Variants in TMEM63B observed in about 807,000 individuals in gnomAD.
TMEM63B encodes the protein mechanosensitive cation channel TMEM63B.
Under a neutral mutation model 102.6 loss-of-function variants are expected in TMEM63B, and 23 were observed. The ratio of observed to expected loss-of-function variants is 0.22; its 90% CI spans 0.16 to 0.32. The LOEUF (loss-of-function observed/expected upper bound fraction) is 0.32, where lower values mean the gene tolerates loss of function less well. TMEM63B is among the 10% of genes least tolerant of loss of function. TMEM63B has a pLI of 1.00. For synonymous variants in TMEM63B, 444 were observed against 437.0 expected (o/e 1.02, Z -0.20); for missense variants, 628 against 1,095.9 (o/e 0.57, Z 6.03).
At chr6:44,149,768 C>A in intron 15 of TMEM63B, 91 bp from the exon 16 acceptor site, 1 of 1,043,428 alleles carries the variant, frequency 9.6e-7, no homozygotes, top group South Asian at 1.5e-5. Context: ...AGTTGTGAGG[C>A]CAAGGGCCCA....
Position 44,140,353 on chromosome 6 carries a change from A to G in TMEM63B, c.704A>G (p.Asp235Gly), listed in dbSNP as rs1430990954. The G allele has an allele frequency of 6.2e-7, 1 of 1,613,228 alleles. No individual in the cohort carries two copies. Among genetic ancestry groups the G allele is most frequent in the African/African-American group, 1.3e-5 (1 of 74,840 alleles). Residue 235 changes from aspartate to glycine, a missense_variant, in exon 9 of 24, where the codon GAT becomes GGT. By Grantham distance (94) the Asp-to-Gly change is moderately conservative (BLOSUM62 -1). Coordinates refer to ENST00000323267, the MANE Select transcript of TMEM63B (RefSeq NM_018426.3). ...ACCTCCAAGATGCGCTACAAGGAGG[A>G]TGATCTGGTGCGTGGAGCAGAGCCC... ...RHTSKMRYKE[D>G]DLVKRTLFIN...
Position 44,134,654 on chromosome 6 carries a change from T to C in TMEM63B, c.70T>C (p.Tyr24His), listed in dbSNP as rs1303796295. The C allele has an allele frequency of 6.2e-7, 1 of 1,614,200 alleles. No homozygotes were observed. The highest frequency in any genetic ancestry group is 1.7e-5 in the Admixed American group (1 of 60,032). The part of the protein sequence containing the change: ...LNNSNPKDYC[Y>H]SARIRSTVLQ... ...CAACAGCAACCCCAAGGACTACTGC[T>C]ACAGCGCCCGCATCCGCAGCACTGT... is the stretch of plus-strand genomic sequence containing the variant. Residue 24 changes from tyrosine (Y) to histidine (H), a missense_variant, in exon 2 of 24, where the codon TAC becomes CAC. Transcript: ENST00000323267.
chr6:44,139,006 A>T (rs891103826), intron 6 of TMEM63B: 6 of 247,484 alleles, frequency 2.4e-5, no homozygotes, highest in Non-Finnish European at 4.8e-5. Flanking sequence ...GCTCAGCCAC[A>T]CCCATGAGGT....
upstream of TMEM63B, chr6:44,126,859 G>C (rs771442954): frequency 2.0e-5 from 3 of 152,360 alleles, no homozygotes; most frequent in Admixed American, 6.5e-5. Flanking sequence ...CCCTGGCCTG[G>C]GGGAGGGCGC....
At position 44,155,065 on chromosome 6, in the gene TMEM63B, A is replaced by G. The variant is rs1277666083; in HGVS notation, c.*182A>G. On this transcript the variant is annotated 3_prime_UTR_variant, in exon 24 of 24. Transcript: ENST00000323267. ...CATGATGGAGGGAGGGAGCCCCCCA[A>G]CCTCAGTGAGGAGAGCCCCGAGCCG... 8.6e-6 allele frequency: 5 copies of G among 579,442 alleles called. No homozygotes were observed. Among genetic ancestry groups the G allele is most frequent in the South Asian group, 3.6e-5 (1 of 28,074 alleles). 35.9% of individuals were successfully genotyped at this position (579,442 alleles called of 1,614,324 possible).
chr6:44,140,405 C>G (rs185797155), intron 9 of TMEM63B, 45 bp downstream of exon 9: 1 of 1,479,290 alleles, frequency 6.8e-7, no homozygotes, highest in African/African-American at 1.4e-5. Flanking sequence ...CCAGCCTCTT[C>G]CCTTCCCTTC....
intron 9 of TMEM63B, 63 bp downstream of exon 9, chr6:44,140,423 G>A (rs1256304818): frequency 1.5e-6 from 2 of 1,359,780 alleles, no homozygotes. Flanking sequence ...TTCCCTGCAG[G>A]CCTCTTTTGT....
At chr6:44,138,665 C>T (rs549832029) in intron 6 of TMEM63B, 148 bp downstream of exon 6, 24 of 879,774 alleles carry the variant, frequency 2.7e-5, no homozygotes, top group South Asian at 5.6e-5. Flanking sequence ...GGCCAAGCCT[C>T]GGGTGCCTGA....
Position 44,139,609 on chromosome 6 carries a change from G to A in TMEM63B, c.550G>A (p.Glu184Lys). The change falls in exon 7 of 24, where the codon GAG (glutamate) becomes AAG (lysine). Residue 184 changes from glutamate to lysine, a missense_variant and splice_region_variant. Physicochemically the swap from Glu to Lys is moderately conservative, Grantham distance 56. Coordinates refer to ENST00000323267, the MANE Select transcript of TMEM63B (RefSeq NM_018426.3). ...LPVNFSGDLL[E>K]NNAYSFGRTT... ...TGTCAACTTCTCAGGGGACCTGCTG[G>A]GTCAGTGAGGGCCAGGACGGCTAGG... The A allele has an allele frequency of 6.2e-7, 1 of 1,614,180 alleles. No individual in the cohort carries two copies. Among genetic ancestry groups the A allele is most frequent in the African/African-American group, 1.3e-5 (1 of 75,028 alleles).
At position 44,135,316 on chromosome 6, in the gene TMEM63B, C is replaced by T. The variant is rs1301551492; in HGVS notation, c.240-12C>T. On this transcript the variant is annotated splice_polypyrimidine_tract_variant and intron_variant, in intron 3 of 23. Coordinates refer to ENST00000323267, the MANE Select transcript of TMEM63B (RefSeq NM_018426.3). ...CCCGCCCCTGCTAACCCTGTCTGTT[C>T]TCTGTCCCCAGGCTTCGGCGGCAGG... 6.2e-7 allele frequency: 1 copy of T among 1,611,992 alleles called. No homozygotes were observed. The highest frequency in any genetic ancestry group is 8.5e-7 in the Non-Finnish European group (1 of 1,178,950).
chr6:44,153,996 C>T, intron 21 of TMEM63B, 77 bp from the exon 22 acceptor site: 1 of 1,559,498 alleles, frequency 6.4e-7, no homozygotes, highest in South Asian at 1.1e-5. Context: ...GTGAGGACTG[C>T]ATTCAGAGGG....
At chr6:44,151,704 G>A in intron 18 of TMEM63B, 142 bp from the exon 19 acceptor site, 2 of 962,422 alleles carry the variant, frequency 2.1e-6, no homozygotes, top group South Asian at 1.6e-5. Flanking sequence ...CAGGGCACAG[G>A]TGCTTGGGGC....
chr6:44,146,538 C>T lies in TMEM63B; in HGVS notation c.783-309C>T, dbSNP rs1765449643. Among the ~76,000 whole-genome samples the T allele has an allele frequency of 3.9e-5, 6 of 152,048 alleles. No homozygotes were observed. The South Asian group carries it at 1.3e-3, about 32-fold the overall frequency. ...CGATCTTGGCTCACTGCAACCTCCA[C>T]CTCCCGGGTTCGAGCAATTCTTCTG... On this transcript the variant is annotated intron_variant, in intron 10 of 23. Transcript: ENST00000323267.
chr6:44,148,975 C>G lies in TMEM63B; in HGVS notation c.1413+30C>G. The G allele has an allele frequency of 6.2e-7, 1 of 1,613,954 alleles. No homozygotes were observed. Among genetic ancestry groups the G allele is most frequent in the Non-Finnish European group, 8.5e-7 (1 of 1,179,994 alleles). Reference sequence around the variant, plus strand: ...GGCCTCATGCCCCTGTCACTTTCCACGCTGGGTCACAACACACAGATACCA... The same window carrying G: ...GGCCTCATGCCCCTGTCACTTTCCAGGCTGGGTCACAACACACAGATACCA... On this transcript the variant is annotated intron_variant, in intron 15 of 23. Transcript: ENST00000323267. The surrounding 1 kb of genome is among the most constrained non-coding windows in gnomAD (Gnocchi z 5.1).
intron 10 of TMEM63B, among the ~76,000 whole-genome samples, chr6:44,146,141 G>A (rs957147253): frequency 6.6e-6 from 1 of 152,168 alleles, no homozygotes; most frequent in African/African-American, 2.4e-5. Context: ...GCTAAGTGTT[G>A]GGCTGTGACC....
intron 3 of TMEM63B, 103 bp downstream of exon 3, chr6:44,135,199 GGGGATGAGAA>G: frequency 6.3e-7 from 1 of 1,578,610 alleles, no homozygotes; most frequent in Non-Finnish European, 8.7e-7. Context: ...CCTTTGCTGG[GGGGATGAGAA>G]GGGACTAGCC....
At chr6:44,138,671 C>A in intron 6 of TMEM63B, 154 bp downstream of exon 6, 2 of 805,796 alleles carry the variant, frequency 2.5e-6, no homozygotes, top group Non-Finnish European at 4.1e-6. Context: ...GCCTCGGGTG[C>A]CTGAGCCTCT....
intron 4 of TMEM63B, among the ~76,000 whole-genome samples, chr6:44,136,068 G>A (rs181338138): frequency 1.7e-4 from 26 of 152,264 alleles, no homozygotes; most frequent in African/African-American, 5.8e-4. Context: ...TGGCATTCTC[G>A]CTTCAGCCTC....
intron 15 of TMEM63B, among the ~76,000 whole-genome samples, 199 bp from the exon 16 acceptor site, chr6:44,149,660 A>C (rs919211361): frequency 2.0e-5 from 3 of 152,186 alleles, no homozygotes; most frequent in Non-Finnish European, 4.4e-5. Flanking sequence ...AATGCTGACT[A>C]TCAGTATTAT....
Sources: allele counts gnomAD v4.1 joint callset (sites outside exome capture counted in the v4.1 genomes callset), GRCh38; gene constraint gnomAD v4.1.1; non-coding constraint Gnocchi (gnomAD v3.1); transcripts MANE v1.5; gene names NCBI Gene and HGNC (gene_info 2026-07-23, HGNC 2026-07-21).